Variants in PDE1C observed in about 807,000 individuals in gnomAD.
PDE1C encodes the protein dual specificity calcium/calmodulin-dependent 3',5'-cyclic nucleotide phosphodiesterase 1C.
A neutral mutation model predicts 93.1 loss-of-function variants in PDE1C; 62 were observed. The observed-to-expected ratio is 0.67, with a 90% CI of 0.54 to 0.82. The LOEUF (loss-of-function observed/expected upper bound fraction) is 0.82, where lower values mean the gene tolerates loss of function less well. PDE1C is among the 40% of genes least tolerant of loss of function. The pLI is 0.00. For missense variants in PDE1C, 742 were observed against 884.6 expected (o/e 0.84, Z 2.04); for synonymous variants, 325 against 310.1 (o/e 1.05, Z -0.50).
At chr7:31,998,662 G>A (rs12154278) in intron 2 of PDE1C, among the ~76,000 whole-genome samples, 22,405 of 152,072 alleles carry the variant, frequency 0.15, 1,938 homozygotes, top group Admixed American at 0.26. Context: ...AAAAATTATG[G>A]TAATTTAGTC....
At chr7:32,118,033 G>A (rs1172292617) in intron 3 of PDE1C, among the ~76,000 whole-genome samples, 3 of 152,202 alleles carry the variant, frequency 2.0e-5, no homozygotes, top group Non-Finnish European at 2.9e-5. Flanking sequence ...GGACACTGAT[G>A]CAACAAGAGG....
At chr7:32,030,078 AACACACACAC>A (rs376919544) in intron 2 of PDE1C, among the ~76,000 whole-genome samples, 2,142 of 134,068 alleles carry the variant, frequency 0.016, 40 homozygotes, top group African/African-American at 0.039. Context: ...TGCATATTAT[AACACACACAC>A]ACACACACAC....
chr7:32,417,753 A>G (rs189055679), intron 1 of PDE1C, among the ~76,000 whole-genome samples: 1 of 151,050 alleles, frequency 6.6e-6, no homozygotes, highest in African/African-American at 2.4e-5. Flanking sequence ...TTGTATTAAG[A>G]TGATGATCTT....
At chr7:31,806,633 TC>T (rs1317240736) in intron 16 of PDE1C, among the ~76,000 whole-genome samples, 3 of 151,962 alleles carry the variant, frequency 2.0e-5, no homozygotes, top group South Asian at 4.2e-4. Context: ...ACATACTACT[TC>T]CCCCTGTGCA....
At chr7:31,963,537 T>C (rs1395814172) in intron 2 of PDE1C, among the ~76,000 whole-genome samples, 1 of 152,254 alleles carries the variant, frequency 6.6e-6, no homozygotes, top group South Asian at 2.1e-4. Context: ...GATGCAATTA[T>C]GACTGGTATT....
chr7:31,727,952 G>C, the PDE1C span, among the ~76,000 whole-genome samples: 1 of 152,162 alleles, frequency 6.6e-6, no homozygotes, highest in Non-Finnish European at 1.5e-5. Flanking sequence ...GCTGAGGCAG[G>C]AGAATCGCTT....
intron 2 of PDE1C, among the ~76,000 whole-genome samples, chr7:32,004,334 T>A (rs1423669935): frequency 6.6e-6 from 1 of 152,166 alleles, no homozygotes; most frequent in Admixed American, 6.5e-5. Context: ...CTCTAAATTT[T>A]ACCTGAGGAG....
chr7:32,401,878 A>G (rs1168604924), intron 1 of PDE1C, among the ~76,000 whole-genome samples: 1 of 152,162 alleles, frequency 6.6e-6, no homozygotes, highest in East Asian at 1.9e-4. Flanking sequence ...TTTGAACTGG[A>G]CCTGAGTTCA....
chr7:31,885,934 T>C (rs1797811568), intron 2 of PDE1C, among the ~76,000 whole-genome samples: 1 of 152,168 alleles, frequency 6.6e-6, no homozygotes, highest in African/African-American at 2.4e-5. Flanking sequence ...AAATGAACTA[T>C]AAAAAGAAGC....
chr7:31,622,791 A>G, the PDE1C span, among the ~76,000 whole-genome samples: 1 of 152,082 alleles, frequency 6.6e-6, no homozygotes, highest in South Asian at 2.1e-4. Flanking sequence ...GACACAAAAA[A>G]CCCTTCAAAA....
chr7:31,850,514 G>T (rs2072431), intron 8 of PDE1C, 127 bp downstream of exon 8: 31,411 of 679,952 alleles, frequency 0.046, 1,072 homozygotes, highest in East Asian at 0.12. Context: ...CTCATTTAGA[G>T]GTTCATTGTT....
rs566045571 is a variant in PDE1C, at chr7:31,835,631, C to T, written c.1203+1549G>A. 5.3e-5 allele frequency among the ~76,000 whole-genome samples: 8 copies of T among 151,986 alleles called. No individual in the cohort carries two copies. The South Asian group carries it at 1.7e-3, about 32-fold the overall frequency. Reference sequence around the variant, plus strand: ...ACAAAAGGGTCTTAAGAAAACATCTCGTCCAACCTTATCCTAAATCCTTCC... The same window carrying T: ...ACAAAAGGGTCTTAAGAAAACATCTTGTCCAACCTTATCCTAAATCCTTCC... On this transcript the variant is annotated intron_variant, in intron 11 of 17. Coordinates refer to ENST00000396191, the MANE Select transcript of PDE1C (RefSeq NM_001191057.4).
At chr7:31,947,522 G>GGCTGGC (rs1471932927) in intron 2 of PDE1C, among the ~76,000 whole-genome samples, 1 of 152,174 alleles carries the variant, frequency 6.6e-6, no homozygotes, top group Non-Finnish European at 1.5e-5. Context: ...TATTTCCAAA[G>GGCTGGC]GCTGGCTATG....
intron 3 of PDE1C, among the ~76,000 whole-genome samples, chr7:32,126,284 T>C (rs1353884860): frequency 1.3e-5 from 2 of 152,094 alleles, no homozygotes; most frequent in African/African-American, 4.8e-5. Context: ...AAATATGCAC[T>C]GTGATTATCT....
the PDE1C span, among the ~76,000 whole-genome samples, chr7:31,671,333 C>T: frequency 1.3e-5 from 2 of 152,192 alleles, no homozygotes; most frequent in South Asian, 4.1e-4. Context: ...CACCCTGGCT[C>T]CTGCACCTGC....
chr7:31,934,576 T>A (rs1479502507), intron 2 of PDE1C, among the ~76,000 whole-genome samples: 5 of 127,466 alleles, frequency 3.9e-5, no homozygotes, highest in African/African-American at 5.5e-5. Flanking sequence ...AAAAAAAAAA[T>A]CACACTAGCT....
At chr7:32,208,627 T>C (rs1805783333) in intron 2 of PDE1C, among the ~76,000 whole-genome samples, 3 of 152,234 alleles carry the variant, frequency 2.0e-5, no homozygotes. Flanking sequence ...AATCCGTTTC[T>C]ATTTACAGTT....
intron 2 of PDE1C, among the ~76,000 whole-genome samples, chr7:31,969,227 T>G (rs1347349178): frequency 6.6e-5 from 10 of 152,092 alleles, no homozygotes; most frequent in Non-Finnish European, 1.3e-4. Context: ...GGAGAAAATG[T>G]TTGCAACCTA....
chr7:32,029,495 TG>T (rs1459624380), intron 2 of PDE1C, among the ~76,000 whole-genome samples: 5 of 151,886 alleles, frequency 3.3e-5, no homozygotes, highest in Non-Finnish European at 5.9e-5. Context: ...TTTATCTTTG[TG>T]ATAGAATAAA....
Sources: gnomAD v4.1 joint callset for allele counts (sites outside exome capture counted in the v4.1 genomes callset) on GRCh38, gnomAD v4.1.1 for gene constraint, MANE v1.5 for transcripts, NCBI Gene and HGNC (gene_info 2026-07-23, HGNC 2026-07-21) for gene names.